Variants in HMCN1 observed in about 807,000 individuals in gnomAD.
The protein encoded by HMCN1 is hemicentin 1, also known as hemicentin-1.
Under a neutral mutation model 625.9 loss-of-function variants are expected in HMCN1, and 321 were observed. That is an observed-to-expected ratio of 0.51 (90% CI 0.47 to 0.56). The LOEUF is 0.56. Among genes scored for constraint, HMCN1 ranks in the 20% least tolerant of loss-of-function variants. The probability of loss-of-function intolerance (pLI) is 0.00; values close to 1 mark genes in which losing one functional copy is unlikely to be tolerated. For synonymous variants in HMCN1, 2,425 were observed against 2,417.6 expected (o/e 1.00, Z -0.09); for missense variants, 6,588 against 6,887.3 (o/e 0.96, Z 1.54).
At chr1:185,782,285 C>T (rs1263205066) in intron 1 of HMCN1, among the ~76,000 whole-genome samples, 1 of 152,130 alleles carries the variant, frequency 6.6e-6, no homozygotes, top group Non-Finnish European at 1.5e-5. Flanking sequence ...ACTGATGGGT[C>T]TTGACTCTTT....
At chr1:186,018,147 A>ATATT in intron 33 of HMCN1, 36 bp from the exon 34 acceptor site, 1 of 1,557,820 alleles carries the variant, frequency 6.4e-7, no homozygotes, top group Non-Finnish European at 8.9e-7. Context: ...TTTACTTAAA[A>ATATT]TATTTATCCA....
intron 16 of HMCN1, among the ~76,000 whole-genome samples, chr1:185,980,263 T>C (rs141797612): frequency 1.5e-4 from 23 of 152,266 alleles, no homozygotes; most frequent in Non-Finnish European, 2.6e-4. Context: ...ATTCAATAGC[T>C]CAAATGCAGA....
At chr1:185,920,992 T>C (rs1666978042) in intron 6 of HMCN1, among the ~76,000 whole-genome samples, 1 of 152,162 alleles carries the variant, frequency 6.6e-6, no homozygotes. Flanking sequence ...TCTAAAGAAA[T>C]TGACATTAGA....
At chr1:186,073,467 G>GGTTTTT (rs201940927) in intron 52 of HMCN1, among the ~76,000 whole-genome samples, 3,211 of 152,136 alleles carry the variant, frequency 0.021, 118 homozygotes, top group African/African-American at 0.073. Context: ...CAGCAAGAGA[G>GGTTTTT]GTTTTTGTTT....
chr1:185,838,998 TG>T (rs1661331061), intron 1 of HMCN1, among the ~76,000 whole-genome samples: 1 of 152,344 alleles, frequency 6.6e-6, no homozygotes, highest in Non-Finnish European at 1.5e-5. Flanking sequence ...TTCATAAATA[TG>T]GTTTTGTTTT....
intron 15 of HMCN1, among the ~76,000 whole-genome samples, chr1:185,972,439 G>A (rs566654364): frequency 5.0e-4 from 76 of 152,226 alleles, no homozygotes; most frequent in African/African-American, 1.8e-3. Flanking sequence ...CAAATGTTTC[G>A]TATTTATGCT....
Position 185,945,465 on chromosome 1 carries a change from A to G in HMCN1, c.1828+11641A>G, listed in dbSNP as rs561440069. Among the ~76,000 whole-genome samples, 15 of 152,334 alleles carry G rather than the reference A, an allele frequency of 9.8e-5. No individual in the cohort carries two copies. The East Asian group carries it at 2.9e-3, about 29-fold the overall frequency. ...TTTGTGCTTCTTGCTGATGATATAA[A>G]TGAGGAGAAAACAACATCCATCTCC... On this transcript the variant is annotated intron_variant, in intron 11 of 106. Transcript: ENST00000271588.
At chr1:185,935,754 G>A (rs566731361) in intron 11 of HMCN1, among the ~76,000 whole-genome samples, 56 of 152,204 alleles carry the variant, frequency 3.7e-4, no homozygotes, top group African/African-American at 1.3e-3. Context: ...ATATAGTCTA[G>A]AATTGATAAT....
intron 87 of HMCN1, 45 bp from the exon 88 acceptor site, chr1:186,137,452 GT>G (rs1443788878): frequency 6.3e-7 from 1 of 1,593,406 alleles, no homozygotes; most frequent in African/African-American, 1.3e-5. Flanking sequence ...CCTTTACAAT[GT>G]TTTATTTGCA....
Position 186,131,643 on chromosome 1 carries a change from G to A in HMCN1, c.13231-685G>A, listed in dbSNP as rs184212787. Among the ~76,000 whole-genome samples the A allele has an allele frequency of 5.3e-5, 8 of 152,074 alleles. No homozygotes were observed. The East Asian group carries it at 1.5e-3, about 29-fold the overall frequency. The stretch of plus-strand genomic sequence containing the variant: ...CTCCCAATCTACTACCTGCAAATCA[G>A]TTCCCTTTTATTGACTTACTGTTTG... On this transcript the variant is annotated intron_variant, in intron 85 of 106. Coordinates refer to ENST00000271588, the MANE Select transcript of HMCN1 (RefSeq NM_031935.3).
chr1:186,158,375 C>T (rs927746979), intron 97 of HMCN1, among the ~76,000 whole-genome samples: 1 of 151,944 alleles, frequency 6.6e-6, no homozygotes, highest in Non-Finnish European at 1.5e-5. Context: ...AATTTTCTCC[C>T]ATGCTGTAGG....
chr1:185,792,197 A>G lies in HMCN1; in HGVS notation c.269-53829A>G, dbSNP rs373425724. Among the ~76,000 whole-genome samples the G allele has an allele frequency of 7.7e-4, 118 of 152,354 alleles. 1 individual carries two copies. Among genetic ancestry groups the G allele is most frequent in the South Asian group, 4.1e-4 (2 of 4,834 alleles). On this transcript the variant is annotated intron_variant, in intron 1 of 106. Transcript: ENST00000271588. ...TGGTTATCTTACCTTGTAAGGGGCC[A>G]TCACCATGCTAATAACAACAATTAT...
At chr1:185,944,618 C>T (rs560461308) in intron 11 of HMCN1, among the ~76,000 whole-genome samples, 1 of 152,288 alleles carries the variant, frequency 6.6e-6, no homozygotes, top group East Asian at 1.9e-4. Context: ...TATATGGCAA[C>T]AGTTTGGTGA....
chr1:185,954,760 A>T (rs1478559500), intron 11 of HMCN1, among the ~76,000 whole-genome samples: 1 of 152,182 alleles, frequency 6.6e-6, no homozygotes, highest in Non-Finnish European at 1.5e-5. Flanking sequence ...TTCAGTAATC[A>T]TACCTTACTT....
intron 4 of HMCN1, among the ~76,000 whole-genome samples, chr1:185,887,889 T>C (rs1391513781): frequency 7.0e-6 from 1 of 142,340 alleles, no homozygotes; most frequent in Non-Finnish European, 1.6e-5. Context: ...CCACACTGAC[T>C]TCCACAATGG....
chr1:186,061,221 A>G, intron 46 of HMCN1, among the ~76,000 whole-genome samples: 1 of 152,130 alleles, frequency 6.6e-6, no homozygotes, highest in Non-Finnish European at 1.5e-5. Context: ...TAATTGACTT[A>G]CATTCTGCAT....
intron 19 of HMCN1, among the ~76,000 whole-genome samples, chr1:185,984,828 C>T (rs753518936): frequency 6.6e-5 from 10 of 152,016 alleles, no homozygotes; most frequent in East Asian, 1.9e-4. Flanking sequence ...TTTTTCCATT[C>T]GTGACTAACA....
chr1:185,858,635 G>A (rs1662643756), intron 2 of HMCN1, among the ~76,000 whole-genome samples: 1 of 49,352 alleles, frequency 2.0e-5, no homozygotes, highest in African/African-American at 8.2e-5. Flanking sequence ...TTTTTTTTTA[G>A]AGACGGGGAT....
At chr1:185,982,134 G>A in intron 17 of HMCN1, 128 bp from the exon 18 acceptor site, 1 of 894,590 alleles carries the variant, frequency 1.1e-6, no homozygotes, top group South Asian at 1.4e-5. Context: ...CCATTTTCAT[G>A]TAAATATTTT....
Sources: gnomAD v4.1 joint callset for allele counts (sites outside exome capture counted in the v4.1 genomes callset) on GRCh38, gnomAD v4.1.1 for gene constraint, MANE v1.5 for transcripts, NCBI Gene and HGNC (gene_info 2026-07-23, HGNC 2026-07-21) for gene names.